The following FBN1 variants were observed in gnomAD, a reference collection of about 807,000 sequenced individuals.
The protein encoded by FBN1 is fibrillin-1.
A neutral mutation model predicts 365.1 loss-of-function variants in FBN1; 29 were observed. The ratio of observed to expected loss-of-function variants is 0.08; its 90% CI spans 0.06 to 0.11. The LOEUF (loss-of-function observed/expected upper bound fraction) is 0.11, where lower values mean the gene tolerates loss of function less well. Ranked by LOEUF, FBN1 falls within the 10% of genes least tolerant of loss-of-function variation. FBN1 has a pLI of 1.00. For synonymous variants in FBN1, 1,210 were observed against 1,270.5 expected, an observed-to-expected ratio of 0.95 and a Z score of 1.01; for missense variants, 2,476 against 3,703.2, an observed-to-expected ratio of 0.67 and a Z score of 8.60.
At chr15:48,463,774 A>T in intron 41 of FBN1, 125 bp downstream of exon 41, 1 of 1,079,946 alleles carries the variant, frequency 9.3e-7, no homozygotes, top group Non-Finnish European at 1.4e-6. Context: ...TCCTAACAAG[A>T]CAGTGAAGGG....
At chr15:48,470,899 T>C in intron 35 of FBN1, 143 bp from the exon 36 acceptor site, 2 of 950,258 alleles carry the variant, frequency 2.1e-6, no homozygotes, top group Non-Finnish European at 3.2e-6. Context: ...CTATAGACTT[T>C]TAGATGATTT....
intron 9 of FBN1, among the ~76,000 whole-genome samples, chr15:48,522,435 G>T (rs1388989927): frequency 6.6e-6 from 1 of 152,024 alleles, no homozygotes; most frequent in Non-Finnish European, 1.5e-5. Flanking sequence ...TGGAAAAATT[G>T]TCTTCCACAA....
At position 48,541,429 on chromosome 15, in the gene FBN1, T is replaced by A. The variant is rs1432965865; in HGVS notation, c.539-3621A>T. 2.6e-5 allele frequency among the ~76,000 whole-genome samples: 4 copies of A among 152,312 alleles called. No individual in the cohort carries two copies. The East Asian group carries it at 7.7e-4, about 29-fold the overall frequency. Reference sequence around the variant, plus strand: ...ATAAATGTATTTGTAGATCCATATTTTAAACAAAAATTGCTGATTGTAGAG... The same window carrying A: ...ATAAATGTATTTGTAGATCCATATTATAAACAAAAATTGCTGATTGTAGAG... On this transcript the variant is annotated intron_variant, in intron 6 of 65. Transcript: ENST00000316623.
intron 7 of FBN1, among the ~76,000 whole-genome samples, chr15:48,535,546 C>A (rs1356941464): frequency 6.6e-6 from 1 of 152,180 alleles, no homozygotes; most frequent in Non-Finnish European, 1.5e-5. Context: ...AAAGAATCCC[C>A]AAGCAAACAG....
chr15:48,553,860 G>T (rs1938565678), intron 6 of FBN1, among the ~76,000 whole-genome samples: 10 of 152,082 alleles, frequency 6.6e-5, no homozygotes, highest in Admixed American at 6.5e-4. Context: ...TTTTAGAATT[G>T]GAAGGAAACT....
intron 42 of FBN1, among the ~76,000 whole-genome samples, chr15:48,462,276 T>A (rs1355305766): frequency 6.6e-6 from 1 of 152,190 alleles, no homozygotes; most frequent in South Asian, 2.1e-4. Flanking sequence ...ATCATATACA[T>A]AATGCACAGC....
At chr15:48,423,635 C>G (rs2042958856) in intron 60 of FBN1, among the ~76,000 whole-genome samples, 1 of 152,190 alleles carries the variant, frequency 6.6e-6, no homozygotes, top group Admixed American at 6.5e-5. Context: ...ACTTGCTGCT[C>G]TTGCCTCCAA....
chr15:48,479,282 C>T (rs1318049595), intron 32 of FBN1, among the ~76,000 whole-genome samples: 1 of 152,200 alleles, frequency 6.6e-6, no homozygotes, highest in African/African-American at 2.4e-5. Context: ...ACCAAACTTA[C>T]TGTTTGGTTA....
chr15:48,408,362 T>C lies in FBN1; in HGVS notation c.*2628A>G, dbSNP rs1384607763. 1 of 152,668 alleles carries C rather than the reference T, an allele frequency of 6.6e-6. No homozygotes were observed. Among genetic ancestry groups the C allele is most frequent in the African/African-American group, 2.4e-5 (1 of 41,460 alleles). 9.5% of individuals were successfully genotyped at this position (152,668 alleles called of 1,614,324 possible). Reference sequence around the variant, plus strand: ...GCTCATCTAATTTACAGACATGATTTCTGAAGTTTAACAGTATTTGTAATG... The same window carrying C: ...GCTCATCTAATTTACAGACATGATTCCTGAAGTTTAACAGTATTTGTAATG... On this transcript the variant is annotated 3_prime_UTR_variant, in exon 66 of 66. Coordinates refer to ENST00000316623, the MANE Select transcript of FBN1 (RefSeq NM_000138.5).
At chr15:48,623,487 A>G (rs1889809038) in intron 2 of FBN1, among the ~76,000 whole-genome samples, 2 of 152,234 alleles carry the variant, frequency 1.3e-5, no homozygotes, top group Admixed American at 6.5e-5. Flanking sequence ...ATGTAGACAA[A>G]TAACACACAT....
At chr15:48,471,438 G>A (rs76242543) in intron 35 of FBN1, among the ~76,000 whole-genome samples, 84 of 152,216 alleles carry the variant, frequency 5.5e-4, no homozygotes, top group African/African-American at 2.0e-3. Flanking sequence ...AACTTTCACT[G>A]TGACTATTTG....
intron 4 of FBN1, among the ~76,000 whole-genome samples, chr15:48,600,939 C>T (rs2044560715): frequency 6.6e-6 from 1 of 152,064 alleles, no homozygotes; most frequent in Non-Finnish European, 1.5e-5. Flanking sequence ...TTAAGAGTAG[C>T]AAATTCCAAA....
chr15:48,460,159 C>T (rs1056724883), intron 43 of FBN1, 87 bp downstream of exon 43: 173 of 931,222 alleles, frequency 1.9e-4, no homozygotes, highest in Middle Eastern at 6.3e-4. Flanking sequence ...TATTTTTTTT[C>T]CTTTAAGAAA....
rs202158568 is a variant in FBN1, at chr15:48,445,373, T to C, written c.5917+3A>G. 2.4e-5 allele frequency: 38 copies of C among 1,612,576 alleles called. No homozygotes were observed. The African/African-American group carries it at 4.3e-4, about 18-fold the overall frequency. On this transcript the variant is annotated splice_donor_region_variant and intron_variant, in intron 48 of 65. Coordinates refer to ENST00000316623, the MANE Select transcript of FBN1 (RefSeq NM_000138.5). ...TCCAGGTCTTTCTAAGTCCTGTACT[T>C]ACCCACACAGGTCCTCCCATCTGGA...
Position 48,567,998 on chromosome 15 carries a change from T to TAAGGAAGAAAGAAAGA in FBN1, c.538+28284_538+28285insTCTTTCTTTCTTCCTT, listed in dbSNP as rs1555403245. On this transcript the variant is annotated intron_variant, in intron 6 of 65. Coordinates refer to ENST00000316623, the MANE Select transcript of FBN1 (RefSeq NM_000138.5). ...AAGAAAAGAAATTAAAGTATACAGATAAGAAAGAAAGAAAGAAAGAAAGAA... is the reference window on the plus strand; with the variant it reads ...AAGAAAAGAAATTAAAGTATACAGATAAGGAAGAAAGAAAGAAAGAAAGAAAGAAAGAAAGAAAGAA... 5.5e-4 allele frequency among the ~76,000 whole-genome samples: 31 copies of TAAGGAAGAAAGAAAGA among 56,524 alleles called. 1 individual carries two copies. The highest frequency in any genetic ancestry group is 2.9e-3 in the African/African-American group (28 of 9,738). 37.1% of individuals were successfully genotyped at this position (56,524 alleles called of 152,430 possible).
At chr15:48,598,651 GTCCA>G (rs2044534416) in intron 5 of FBN1, among the ~76,000 whole-genome samples, 1 of 152,078 alleles carries the variant, frequency 6.6e-6, no homozygotes, top group Non-Finnish European at 1.5e-5. Flanking sequence ...GCCCAAAAAG[GTCCA>G]TTCCCCATCA....
intron 5 of FBN1, among the ~76,000 whole-genome samples, chr15:48,597,247 C>T (rs1019244584): frequency 1.7e-4 from 26 of 152,130 alleles, no homozygotes; most frequent in African/African-American, 5.8e-4. Context: ...TCATACTTTC[C>T]CTCAAGAGAA....
At chr15:48,514,150 C>CT (rs1555400319) in intron 12 of FBN1, among the ~76,000 whole-genome samples, 1 of 152,218 alleles carries the variant, frequency 6.6e-6, no homozygotes, top group Non-Finnish European at 1.5e-5. Context: ...ACCACAGAGT[C>CT]TCCCCCATCC....
chr15:48,619,671 C>A (rs182124905), intron 2 of FBN1, among the ~76,000 whole-genome samples: 140 of 152,270 alleles, frequency 9.2e-4, no homozygotes, highest in Non-Finnish European at 1.7e-3. Context: ...GGACTATTCA[C>A]CTTGCCCACA....
Sources: gnomAD v4.1 joint callset for allele counts (sites outside exome capture counted in the v4.1 genomes callset) on GRCh38, gnomAD v4.1.1 for gene constraint, MANE v1.5 for transcripts, NCBI Gene and HGNC (gene_info 2026-07-23, HGNC 2026-07-21) for gene names.